CABIN1: variants seen among roughly 807,000 people sequenced by gnomAD.
CABIN1 encodes calcineurin-binding protein cabin-1.
Under a neutral mutation model 227.7 loss-of-function variants are expected in CABIN1, and 133 were observed. The ratio of observed to expected loss-of-function variants is 0.58; its 90% CI spans 0.51 to 0.67. The LOEUF is 0.67. Among genes scored for constraint, CABIN1 ranks in the 30% least tolerant of loss-of-function variants. The probability of loss-of-function intolerance (pLI) is 0.00; values close to 1 mark genes in which losing one functional copy is unlikely to be tolerated. For missense variants in CABIN1, 2,408 were observed against 2,852.5 expected (o/e 0.84, Z 3.55); for synonymous variants, 1,086 against 1,155.1 (o/e 0.94, Z 1.21).
chr22:24,131,691 GA>G (rs1409246966), intron 28 of CABIN1, among the ~76,000 whole-genome samples: 2 of 152,162 alleles, frequency 1.3e-5, no homozygotes, highest in Admixed American at 6.5e-5. Flanking sequence ...GAGCCTCCCT[GA>G]CCTTCTCAGA....
At chr22:24,118,752 G>A (rs556788332) in intron 27 of CABIN1, among the ~76,000 whole-genome samples, 11 of 152,370 alleles carry the variant, frequency 7.2e-5, no homozygotes, top group African/African-American at 2.6e-4. Context: ...CCTGGGGCCA[G>A]CCGTGCAGCA....
At chr22:24,033,941 C>T (rs117472675) in intron 1 of CABIN1, among the ~76,000 whole-genome samples, 6 of 152,312 alleles carry the variant, frequency 3.9e-5, no homozygotes, top group Non-Finnish European at 8.8e-5. Context: ...CCCACTAAAC[C>T]AGCGGTTCCC....
intron 29 of CABIN1, 36 bp from the exon 30 acceptor site, chr22:24,164,364 C>T (rs1052785035): frequency 3.8e-6 from 6 of 1,599,482 alleles, no homozygotes; most frequent in Middle Eastern, 1.7e-4. Context: ...CTGCCACAAC[C>T]ACCCCCCTCA....
At chr22:24,132,141 C>T (rs1274881699) in intron 28 of CABIN1, among the ~76,000 whole-genome samples, 3 of 152,076 alleles carry the variant, frequency 2.0e-5, no homozygotes, top group Non-Finnish European at 4.4e-5. Context: ...GGATGGACAC[C>T]TGCCTGGGCT....
chr22:24,026,655 A>G (rs796429782), intron 1 of CABIN1, among the ~76,000 whole-genome samples: 12 of 152,248 alleles, frequency 7.9e-5, no homozygotes, highest in African/African-American at 1.4e-4. Flanking sequence ...TTCTTTCTCC[A>G]TTGAATTGCC....
At chr22:24,027,974 C>T (rs1400417026) in intron 1 of CABIN1, among the ~76,000 whole-genome samples, 2 of 150,746 alleles carry the variant, frequency 1.3e-5, no homozygotes, top group African/African-American at 2.4e-5. Flanking sequence ...AGTCATGCTT[C>T]AGAGATATTG....
intron 18 of CABIN1, among the ~76,000 whole-genome samples, chr22:24,074,528 C>T (rs1601928116): frequency 1.3e-5 from 2 of 152,262 alleles, no homozygotes; most frequent in South Asian, 4.1e-4. Flanking sequence ...CACCCTTGGC[C>T]TTGGCAGAGG....
In CABIN1 at chr22:24,087,656, C is replaced by T. The variant is rs150974282; in HGVS notation, c.3468C>T (p.Phe1156=). 3.5e-5 allele frequency: 56 copies of T among 1,614,186 alleles called. No homozygotes were observed. The African/African-American group carries it at 4.9e-4, about 14-fold the overall frequency. The change falls in exon 23 of 37, where the codon TTC becomes TTT. Residue 1156 remains phenylalanine (F), a synonymous_variant. Coordinates refer to ENST00000263119, the MANE Select transcript of CABIN1 (RefSeq NM_012295.4). ...YGTMSYALHS[F]ASRQLKQWRG... ...CCATGTCCTATGCCTTGCACTCATTCGCCTCACGTCAATTGAAGCAGTGGA... is the reference window on the plus strand; with the variant it reads ...CCATGTCCTATGCCTTGCACTCATTTGCCTCACGTCAATTGAAGCAGTGGA...
intron 26 of CABIN1, among the ~76,000 whole-genome samples, chr22:24,104,471 GAT>G (rs2042395105): frequency 6.6e-6 from 1 of 152,210 alleles, no homozygotes; most frequent in South Asian, 2.1e-4. Flanking sequence ...TCAGGCTTCT[GAT>G]ATGTCTGCCA....
In CABIN1 at chr22:24,070,942, TG is replaced by T; in HGVS notation, c.2378del (p.Gly793AlafsTer15). 6.2e-7 allele frequency: 1 copy of T among 1,614,218 alleles called. No individual in the cohort carries two copies. Among genetic ancestry groups the T allele is most frequent in the Non-Finnish European group, 8.5e-7 (1 of 1,180,032 alleles). ...EWVATVTQLL[M>X]GIEQALSADS... ...GTGGCCACAGTGACCCAACTGCTGATGGGCATCGAGCAGGCCCTCTCTGCGG... is the reference window on the plus strand; with the variant it reads ...GTGGCCACAGTGACCCAACTGCTGATGGCATCGAGCAGGCCCTCTCTGCGG... On this transcript the variant is annotated frameshift_variant, in exon 17 of 37. Transcript: ENST00000263119. LOFTEE classifies it high-confidence loss of function.
rs541041704 is a variant in CABIN1, at chr22:24,110,170, A to G, written c.4118-3396A>G. On this transcript the variant is annotated intron_variant, in intron 26 of 36. Transcript: ENST00000263119. ...TGGGCAACACAAGACCCTGTCTCAA[A>G]AAAAATTTTTTTTAAGTTCTATTTT... 1.5e-3 allele frequency among the ~76,000 whole-genome samples: 222 copies of G among 152,338 alleles called. 1 individual carries two copies. The highest frequency in any genetic ancestry group is 5.1e-3 in the African/African-American group (212 of 41,566).
intron 6 of CABIN1, among the ~76,000 whole-genome samples, chr22:24,046,461 G>A (rs2037889367): frequency 6.6e-6 from 1 of 152,082 alleles, no homozygotes; most frequent in African/African-American, 2.4e-5. Flanking sequence ...GAGGCTTTGA[G>A]TCTCTTCTTG....
At chr22:24,029,342 G>GT (rs1236787639) in intron 1 of CABIN1, among the ~76,000 whole-genome samples, 1 of 152,178 alleles carries the variant, frequency 6.6e-6, no homozygotes, top group Non-Finnish European at 1.5e-5. Flanking sequence ...GAGCTCAAGG[G>GT]TTCAAGACCA....
At chr22:24,143,353 G>T (rs1480648083) in intron 29 of CABIN1, among the ~76,000 whole-genome samples, 1 of 152,196 alleles carries the variant, frequency 6.6e-6, no homozygotes, top group African/African-American at 2.4e-5. Flanking sequence ...AGGAGGTGAG[G>T]CTGGGATTCC....
intron 34 of CABIN1, among the ~76,000 whole-genome samples, chr22:24,174,952 T>G (rs1456474787): frequency 6.6e-6 from 1 of 151,694 alleles, no homozygotes; most frequent in Non-Finnish European, 1.5e-5. Flanking sequence ...GGTAGCGGAG[T>G]AGGGGGCTAG....
rs940383122 is a variant in CABIN1, at chr22:24,119,454, C to G, written c.4388C>G (p.Ser1463Cys). 1.2e-6 allele frequency: 2 copies of G among 1,614,178 alleles called. No homozygotes were observed. The highest frequency in any genetic ancestry group is 1.7e-6 in the Non-Finnish European group (2 of 1,180,036). The change falls in exon 28 of 37, where the codon TCT becomes TGT. Residue 1463 changes from serine (S) to cysteine (C), a missense_variant. By Grantham distance (112) the Ser-to-Cys change is moderately radical (BLOSUM62 -1). This residue lies in a region of CABIN1 where 649 missense variants were observed against 910.3 expected (regional missense o/e 0.71). Transcript: ENST00000263119. Reference protein sequence around the residue: ...VQKPAAETPASACIPGKPSAS... With the variant: ...VQKPAAETPACACIPGKPSAS... ...AAGCCTGCTGCAGAAACCCCAGCCTCTGCTTGCATCCCTGGCAAGCCCTCA... is the reference window on the plus strand; with the variant it reads ...AAGCCTGCTGCAGAAACCCCAGCCTGTGCTTGCATCCCTGGCAAGCCCTCA...
At chr22:24,088,424 A>G (rs2041317292) in intron 23 of CABIN1, among the ~76,000 whole-genome samples, 1 of 152,190 alleles carries the variant, frequency 6.6e-6, no homozygotes, top group Non-Finnish European at 1.5e-5. Context: ...CCTGATCAAC[A>G]TAGTGAAACC....
chr22:24,067,049 T>C lies in CABIN1; in HGVS notation c.2100T>C (p.Tyr700=). 1 of 1,614,218 alleles carries C rather than the reference T, an allele frequency of 6.2e-7. No homozygotes were observed. Among genetic ancestry groups the C allele is most frequent in the Non-Finnish European group, 8.5e-7 (1 of 1,180,052 alleles). ...CQSLEEIQRL[Y]EAGDYKAVVH... is the part of the protein sequence containing the mutation. ...CCCTGGAGGAGATTCAGCGGCTGTATGAAGCAGGCGACTACAAGGCTGTTG... is the reference window on the plus strand; with the variant it reads ...CCCTGGAGGAGATTCAGCGGCTGTACGAAGCAGGCGACTACAAGGCTGTTG... The change falls in exon 16 of 37, where the codon TAT becomes TAC. Residue 700 remains tyrosine (Y), a synonymous_variant. Transcript: ENST00000263119.
At chr22:24,120,017 A>C (rs979032161) in intron 28 of CABIN1, among the ~76,000 whole-genome samples, 6 of 152,104 alleles carry the variant, frequency 3.9e-5, no homozygotes, top group African/African-American at 1.2e-4. Flanking sequence ...CTGTGCAGCA[A>C]CTCAAACTCT....
Sources: allele counts gnomAD v4.1 joint callset (sites outside exome capture counted in the v4.1 genomes callset), GRCh38; gene constraint gnomAD v4.1.1; regional missense constraint gnomAD v4.1.1; transcripts MANE v1.5; gene names NCBI Gene and HGNC (gene_info 2026-07-23, HGNC 2026-07-21).